Variants in FKTN observed in about 807,000 individuals in gnomAD.
FKTN encodes the protein fukutin, also known as ribitol-5-phosphate transferase FKTN.
FKTN carries 47 observed loss-of-function variants against 58.6 expected under a neutral mutation model. The observed-to-expected ratio is 0.80, with a 90% CI of 0.63 to 1.02. FKTN has a LOEUF of 1.02. Ranked by LOEUF, FKTN falls within the 50% of genes least tolerant of loss-of-function variation. FKTN has a pLI of 0.00. For missense variants in FKTN, 516 were observed against 537.3 expected (o/e 0.96, Z 0.39); for synonymous variants, 178 against 191.9 (o/e 0.93, Z 0.60).
In FKTN at chr9:105,636,215, T is replaced by G; in HGVS notation, c.*951T>G. 1 of 876,100 alleles carries G rather than the reference T, an allele frequency of 1.1e-6. No homozygotes were observed. Among genetic ancestry groups the G allele is most frequent in the African/African-American group, 1.8e-5 (1 of 55,206 alleles). The allele number at this position is 876,100 out of a possible 1,614,324, so 54.3% of individuals were successfully genotyped here. The stretch of plus-strand genomic sequence containing the variant: ...ATGACACTAAAATATTAATAGAATT[T>G]TTTAAATATACTCTAATTTTTAAAA... On this transcript the variant is annotated 3_prime_UTR_variant, in exon 11 of 11. Transcript: ENST00000357998.
Position 105,636,493 on chromosome 9 carries a change from A to G in FKTN, c.*1229A>G, listed in dbSNP as rs116549376. The stretch of plus-strand genomic sequence containing the variant: ...CGATGGGGCAAGAACTCAGACTTCT[A>G]CTTTACCAAGTACCACACACTCTGG... On this transcript the variant is annotated 3_prime_UTR_variant, in exon 11 of 11. Coordinates refer to ENST00000357998, the MANE Select transcript of FKTN (RefSeq NM_001079802.2). 1.4e-3 allele frequency: 1,441 copies of G among 1,004,228 alleles called. 20 individuals carry two copies. In the African/African-American group the frequency reaches 0.023, roughly 16 times the overall value. The allele number at this position is 1,004,228 out of a possible 1,614,324, so 62.2% of individuals were successfully genotyped here. A position where few individuals can be genotyped will look rare whatever the true frequency, so the allele number is the denominator to read the frequency against.
intron 4 of FKTN, among the ~76,000 whole-genome samples, chr9:105,597,639 C>T (rs1827055095): frequency 6.6e-6 from 1 of 152,028 alleles, no homozygotes; most frequent in Admixed American, 6.6e-5. Flanking sequence ...TACCTCCATC[C>T]CACCCTTAGG....
intron 3 of FKTN, among the ~76,000 whole-genome samples, chr9:105,592,725 C>T (rs1845122542): frequency 6.6e-6 from 1 of 152,188 alleles, no homozygotes. Context: ...AGGGCCAGGG[C>T]ACAATGCAGC....
Position 105,619,921 on chromosome 9 carries a change from A to G in FKTN, c.1045-13A>G. The G allele has an allele frequency of 6.2e-7, 1 of 1,608,356 alleles. No homozygotes were observed. Among genetic ancestry groups the G allele is most frequent in the Non-Finnish European group, 8.5e-7 (1 of 1,175,302 alleles). ...TTTGTTTCAGTGTGTGAAGGTTTTCATCTTCCCCATAGGTAGAAGACAGCT... is the reference window on the plus strand; with the variant it reads ...TTTGTTTCAGTGTGTGAAGGTTTTCGTCTTCCCCATAGGTAGAAGACAGCT... On this transcript the variant is annotated splice_polypyrimidine_tract_variant and intron_variant, in intron 9 of 10. Coordinates refer to ENST00000357998, the MANE Select transcript of FKTN (RefSeq NM_001079802.2).
intron 3 of FKTN, among the ~76,000 whole-genome samples, chr9:105,584,000 C>T (rs572939631): frequency 2.0e-4 from 31 of 152,222 alleles, no homozygotes; most frequent in East Asian, 3.9e-4. Flanking sequence ...ACCCTTTTCC[C>T]TTGGTGGCAG....
At chr9:105,587,519 GCTT>G (rs1246865362) in intron 3 of FKTN, among the ~76,000 whole-genome samples, 3 of 151,948 alleles carry the variant, frequency 2.0e-5, no homozygotes, top group Non-Finnish European at 4.4e-5. Flanking sequence ...TCACTTTTGG[GCTT>G]CTTCCATTTT....
At chr9:105,587,209 CT>C (rs1432072007) in intron 3 of FKTN, among the ~76,000 whole-genome samples, 1 of 151,870 alleles carries the variant, frequency 6.6e-6, no homozygotes, top group Non-Finnish European at 1.5e-5. Flanking sequence ...CAGTAATCAG[CT>C]GTTTGTATTA....
chr9:105,558,307 A>AG (rs2131585516), intron 1 of FKTN, 142 bp downstream of exon 1: 1 of 152,488 alleles, frequency 6.6e-6, no homozygotes, highest in African/African-American at 2.4e-5. Flanking sequence ...GGCCGGCCAC[A>AG]GGCTGAGCGC....
At chr9:105,608,761 C>T (rs926623118) in intron 7 of FKTN, among the ~76,000 whole-genome samples, 47 of 152,240 alleles carry the variant, frequency 3.1e-4, no homozygotes, top group Admixed American at 3.1e-3. Context: ...TGAGGCCTGA[C>T]AGCCCAAGTG....
At chr9:105,597,348 C>T (rs1383183361) in intron 4 of FKTN, among the ~76,000 whole-genome samples, 4 of 152,112 alleles carry the variant, frequency 2.6e-5, no homozygotes, top group Admixed American at 2.6e-4. Flanking sequence ...AAGCAGTGGT[C>T]ATTTTAGATC....
chr9:105,593,044 G>T (rs1845188537), intron 3 of FKTN, among the ~76,000 whole-genome samples: 1 of 152,136 alleles, frequency 6.6e-6, no homozygotes, highest in South Asian at 2.1e-4. Context: ...TTCTCGAATT[G>T]CTATAAAGAA....
intron 4 of FKTN, among the ~76,000 whole-genome samples, chr9:105,600,695 G>T (rs944970924): frequency 1.3e-5 from 2 of 152,120 alleles, no homozygotes; most frequent in Non-Finnish European, 2.9e-5. Flanking sequence ...ACTGAATTTT[G>T]TTTTTGAAAG....
intron 3 of FKTN, among the ~76,000 whole-genome samples, chr9:105,595,040 T>G (rs1826506617): frequency 6.6e-6 from 1 of 152,162 alleles, no homozygotes; most frequent in Non-Finnish European, 1.5e-5. Flanking sequence ...ACAGCATGAA[T>G]GAACTTTGAA....
intron 3 of FKTN, among the ~76,000 whole-genome samples, chr9:105,581,996 G>A (rs1402181908): frequency 1.3e-5 from 2 of 152,174 alleles, no homozygotes; most frequent in Non-Finnish European, 2.9e-5. Context: ...GCGCTTCCCA[G>A]GTGAGGCAAT....
chr9:105,615,254 G>C, intron 7 of FKTN, 24 bp from the exon 8 acceptor site: 1 of 1,612,422 alleles, frequency 6.2e-7, no homozygotes, highest in Non-Finnish European at 8.5e-7. Context: ...GGCTGTAATA[G>C]CTGACTATTT....
chr9:105,607,142 A>G (rs1160485832), intron 6 of FKTN, among the ~76,000 whole-genome samples: 1 of 152,108 alleles, frequency 6.6e-6, no homozygotes, highest in African/African-American at 2.4e-5. Context: ...AGCTATCTCT[A>G]CATTGTAAAA....
At chr9:105,604,179 G>A in intron 5 of FKTN, 36 bp from the exon 6 acceptor site, 2 of 1,607,962 alleles carry the variant, frequency 1.2e-6, no homozygotes, top group South Asian at 1.1e-5. Flanking sequence ...ATGTTTAAGT[G>A]TTGTTTCTTG....
In FKTN at chr9:105,590,443, A is replaced by C. The variant is rs549482652; in HGVS notation, c.106-6155A>C. Among the ~76,000 whole-genome samples, 5 of 152,336 alleles carry C rather than the reference A, an allele frequency of 3.3e-5. No homozygotes were observed. In the South Asian group the frequency reaches 1.0e-3, roughly 32 times the overall value. On this transcript the variant is annotated intron_variant, in intron 3 of 10. Coordinates refer to ENST00000357998, the MANE Select transcript of FKTN (RefSeq NM_001079802.2). ...TTTATCAGCAACGTGAAAATGGACT[A>C]ATACACAGAGAGACCAGTTAGAAGG...
intron 1 of FKTN, among the ~76,000 whole-genome samples, chr9:105,568,072 G>T (rs187146476): frequency 2.0e-5 from 3 of 152,256 alleles, no homozygotes; most frequent in African/African-American, 7.2e-5. Context: ...ATGGTGCTGG[G>T]AAAACTGGCT....
Sources: gnomAD v4.1 joint callset for allele counts (sites outside exome capture counted in the v4.1 genomes callset) on GRCh38, gnomAD v4.1.1 for gene constraint, MANE v1.5 for transcripts, NCBI Gene and HGNC (gene_info 2026-07-23, HGNC 2026-07-21) for gene names.